Variants in SLCO6A1 observed in about 807,000 individuals in gnomAD.
SLCO6A1 encodes cancer/testis antigen 48.
SLCO6A1 carries 65 observed loss-of-function variants against 72.7 expected under a neutral mutation model. The ratio of observed to expected loss-of-function variants is 0.89; its 90% confidence interval spans 0.73 to 1.10. SLCO6A1 has a LOEUF of 1.10. Ranked by LOEUF, SLCO6A1 falls within the 50% of genes least tolerant of loss-of-function variation. The pLI, the probability that SLCO6A1 is intolerant of heterozygous loss-of-function variation, is 0.00. For synonymous variants in SLCO6A1, 314 were observed against 298.2 expected (o/e 1.05, Z -0.55); for missense variants, 874 against 872.6 (o/e 1.00, Z -0.02).
rs1043467633 is a variant in SLCO6A1, at chr5:102,381,829, C to T, written c.2017+6859G>A. ...TTTTCCTGATGATTAGTGATTTAGG[C>T]ATTCAGAAATATAATTGTTGGCCAT... is the stretch of plus-strand genomic sequence containing the variant. On this transcript the variant is annotated intron_variant, in intron 12 of 13. Transcript: ENST00000506729. 4.7e-5 allele frequency among the ~76,000 whole-genome samples: 7 copies of T among 150,008 alleles called. No individual in the cohort carries two copies. The Admixed American group carries it at 4.7e-4, about 10-fold the overall frequency.
intron 10 of SLCO6A1, among the ~76,000 whole-genome samples, chr5:102,395,000 T>C (rs925255731): frequency 6.6e-6 from 1 of 152,180 alleles, no homozygotes; most frequent in African/African-American, 2.4e-5. Context: ...TTACTATTTG[T>C]TTATAAGTCA....
rs371233310 is a variant in SLCO6A1, at chr5:102,498,738, T to C, written c.107A>G (p.Lys36Arg). 4.0e-5 allele frequency: 64 copies of C among 1,614,040 alleles called. No homozygotes were observed. The highest frequency in any genetic ancestry group is 5.2e-5 in the Non-Finnish European group (61 of 1,180,032). Residue 36 changes from lysine to arginine, a missense_variant, in exon 1 of 14, where the codon AAG (lysine) becomes AGG (arginine). By Grantham distance (26) the Lys-to-Arg change is conservative (BLOSUM62 2). Coordinates refer to ENST00000506729, the MANE Select transcript of SLCO6A1 (RefSeq NM_173488.5). ...GGGCTTCGAGGACTTCGGGGTTCCC[T>C]TGGCCCTCCTGTCCTTAGCAGGCTG... ...RAQPAKDRRA[K>R]GTPKSSKPGK...
At chr5:102,407,076 C>CGTA (rs1561435136) in intron 9 of SLCO6A1, among the ~76,000 whole-genome samples, 1 of 152,080 alleles carries the variant, frequency 6.6e-6, no homozygotes, top group Non-Finnish European at 1.5e-5. Flanking sequence ...GACTCAACTC[C>CGTA]GTAGATGGGG....
At chr5:102,386,983 T>A (rs981325604) in intron 12 of SLCO6A1, among the ~76,000 whole-genome samples, 20 of 152,180 alleles carry the variant, frequency 1.3e-4, no homozygotes, top group African/African-American at 4.8e-4. Flanking sequence ...CTCTTCAATG[T>A]GTCTTTTCTT....
intron 7 of SLCO6A1, 41 bp downstream of exon 7, chr5:102,438,576 A>G (rs769991157): frequency 2.0e-6 from 3 of 1,527,748 alleles, no homozygotes; most frequent in Non-Finnish European, 2.6e-6. Flanking sequence ...ACAATAAGAC[A>G]GTGCAAAATT....
Position 102,458,487 on chromosome 5 carries a change from T to C in SLCO6A1, c.1026A>G (p.Ser342=). Residue 342 remains serine, a synonymous_variant, in exon 6 of 14, where the codon TCA becomes TCG. Transcript: ENST00000506729. ...LSCFPNNMPG[S]TRIKARKRKQ... Reference sequence around the variant, plus strand: ...TACGTTTCCTAGCTTTTATCCGTGTTGAACCTATATATAAACAAGTAAAAA... The same window carrying C: ...TACGTTTCCTAGCTTTTATCCGTGTCGAACCTATATATAAACAAGTAAAAA... 5 of 1,608,582 alleles carry C rather than the reference T, an allele frequency of 3.1e-6. No individual in the cohort carries two copies. The highest frequency in any genetic ancestry group is 4.2e-6 in the Non-Finnish European group (5 of 1,177,234).
Position 102,399,695 on chromosome 5 carries a change from A to G in SLCO6A1, c.1674T>C (p.Asp558=). ...SCIKEGLITA[D]AEGDFIDARP... is the part of the protein sequence containing the mutation. ...TGGCATCAATAAAATCACCTTCTGC[A>G]TCTGCAGTTATTAATCCTTCTTTAA... Residue 558 remains aspartate (D), a synonymous_variant, in exon 10 of 14, where the codon GAT becomes GAC. Coordinates refer to ENST00000506729, the MANE Select transcript of SLCO6A1 (RefSeq NM_173488.5). The G allele has an allele frequency of 6.3e-7, 1 of 1,597,004 alleles. No individual in the cohort carries two copies.
rs1252005251 is a variant in SLCO6A1, at chr5:102,389,450, C to CCCCG, written c.1880-626_1880-625insCGGG. Among the ~76,000 whole-genome samples, 18 of 65,004 alleles carry CCCCG rather than the reference C, an allele frequency of 2.8e-4. 1 individual carries two copies. Among genetic ancestry groups the CCCCG allele is most frequent in the African/African-American group, 8.4e-4 (16 of 19,094 alleles). The allele number at this position is 65,004 out of a possible 152,430, so 42.6% of individuals were successfully genotyped here. A position where few individuals can be genotyped will look rare whatever the true frequency, so the allele number is the denominator to read the frequency against. On this transcript the variant is annotated intron_variant, in intron 11 of 13. Coordinates refer to ENST00000506729, the MANE Select transcript of SLCO6A1 (RefSeq NM_173488.5). ...AGTGAACAGTCACACACCCCGCCCCCCACCCCCACACACACAGAGTTGCCC... is the reference window on the plus strand; with the variant it reads ...AGTGAACAGTCACACACCCCGCCCCCCCCGCACCCCCACACACACAGAGTTGCCC...
chr5:102,414,821 G>A (rs749467895), intron 8 of SLCO6A1, among the ~76,000 whole-genome samples: 81 of 152,210 alleles, frequency 5.3e-4, no homozygotes, highest in Non-Finnish European at 5.6e-4. Flanking sequence ...CTTGAACCAG[G>A]GAAGTGGAGG....
chr5:102,412,990 C>T lies in SLCO6A1; in HGVS notation c.1626G>A (p.Lys542=). The change falls in exon 9 of 14, where the codon AAG becomes AAA. Residue 542 remains lysine (K), a splice_region_variant and synonymous_variant. Coordinates refer to ENST00000506729, the MANE Select transcript of SLCO6A1 (RefSeq NM_173488.5). ...CTYSKAQNQK[K]MYYNCSCIKE... is the part of the protein sequence containing the mutation. ...CATAATAATTATAAAAAATAATTACCTTTTTTTGGTTTTGTGCTTTAGAAT... is the reference window on the plus strand; with the variant it reads ...CATAATAATTATAAAAAATAATTACTTTTTTTTGGTTTTGTGCTTTAGAAT... The T allele has an allele frequency of 7.6e-7, 1 of 1,307,426 alleles. No individual in the cohort carries two copies. Among genetic ancestry groups the T allele is most frequent in the Non-Finnish European group, 1.0e-6 (1 of 1,003,588 alleles). The allele number at this position is 1,307,426 out of a possible 1,614,324, so 81.0% of individuals were successfully genotyped here. A position where few individuals can be genotyped will look rare whatever the true frequency, so the allele number is the denominator to read the frequency against.
intron 6 of SLCO6A1, among the ~76,000 whole-genome samples, chr5:102,441,468 G>T (rs1490142636): frequency 2.6e-5 from 4 of 152,058 alleles, no homozygotes; most frequent in Non-Finnish European, 2.9e-5. Context: ...TTTTACTACA[G>T]TGGTTTTTCT....
chr5:102,489,393 C>A (rs555650517), intron 1 of SLCO6A1, among the ~76,000 whole-genome samples: 7 of 152,238 alleles, frequency 4.6e-5, no homozygotes, highest in African/African-American at 1.7e-4. Flanking sequence ...GGAACTCAAA[C>A]AATTCAATAG....
chr5:102,388,171 T>C (rs1901512), intron 12 of SLCO6A1, among the ~76,000 whole-genome samples: 98,915 of 151,938 alleles, frequency 0.65, 32,505 homozygotes, highest in Non-Finnish European at 0.69. Context: ...AGAAATTTTT[T>C]TGTATATGTA....
chr5:102,462,272 G>T (rs1751076886), intron 4 of SLCO6A1, among the ~76,000 whole-genome samples: 1 of 152,144 alleles, frequency 6.6e-6, no homozygotes, highest in South Asian at 2.1e-4. Flanking sequence ...CCATGCTCAT[G>T]GATGGATAGA....
chr5:102,404,291 C>A (rs1048578532), intron 9 of SLCO6A1, among the ~76,000 whole-genome samples: 1 of 152,118 alleles, frequency 6.6e-6, no homozygotes, highest in African/African-American at 2.4e-5. Context: ...GTCAGGAGAT[C>A]GAGACCATCC....
At chr5:102,489,572 A>G (rs1426414922) in intron 1 of SLCO6A1, among the ~76,000 whole-genome samples, 1 of 152,174 alleles carries the variant, frequency 6.6e-6, no homozygotes, top group Non-Finnish European at 1.5e-5. Context: ...TCCAGTTACA[A>G]TGGCTGTTAT....
intron 9 of SLCO6A1, among the ~76,000 whole-genome samples, chr5:102,404,180 T>C (rs929847254): frequency 6.6e-6 from 1 of 152,218 alleles, no homozygotes; most frequent in Admixed American, 6.5e-5. Context: ...GGTTGTTTGA[T>C]ATGTATTCTC....
In SLCO6A1 at chr5:102,382,638, A is replaced by T. The variant is rs530620475; in HGVS notation, c.2017+6050T>A. Among the ~76,000 whole-genome samples, 9 of 151,544 alleles carry T rather than the reference A, an allele frequency of 5.9e-5. No homozygotes were observed. The East Asian group carries it at 1.4e-3, about 23-fold the overall frequency. On this transcript the variant is annotated intron_variant, in intron 12 of 13. Transcript: ENST00000506729. The stretch of plus-strand genomic sequence containing the variant: ...TGAACATAGGATATTTCCATCTATT[A>T]GTGTCTCCTCTTTTATTTCTTTCAT...
intron 10 of SLCO6A1, among the ~76,000 whole-genome samples, chr5:102,397,351 T>C (rs550817813): frequency 6.6e-6 from 1 of 152,304 alleles, no homozygotes; most frequent in East Asian, 1.9e-4. Flanking sequence ...CTATAGGTTA[T>C]CTCTTCTATT....
Sources: allele counts gnomAD v4.1 joint callset (sites outside exome capture counted in the v4.1 genomes callset), GRCh38; gene constraint gnomAD v4.1.1; transcripts MANE v1.5; gene names NCBI Gene and HGNC (gene_info 2026-07-23, HGNC 2026-07-21).